CCDC88A: variants seen among roughly 807,000 people sequenced by gnomAD.
The protein encoded by CCDC88A is coiled-coil and HOOK domain protein 88A.
Under a neutral mutation model 234.3 loss-of-function variants are expected in CCDC88A, and 54 were observed. The ratio of observed to expected loss-of-function variants is 0.23; its 90% CI spans 0.19 to 0.29. CCDC88A has a LOEUF of 0.29. CCDC88A is among the 10% of genes least tolerant of loss of function. The pLI is 1.00. For synonymous variants in CCDC88A, 753 were observed against 737.8 expected, an observed-to-expected ratio of 1.02 and a Z score of -0.33; for missense variants, 1,832 against 2,123.4, an observed-to-expected ratio of 0.86 and a Z score of 2.70.
Position 55,366,459 on chromosome 2 carries a change from G to A in CCDC88A, c.403-2426C>T, listed in dbSNP as rs532577839. On this transcript the variant is annotated intron_variant, in intron 5 of 32. Coordinates refer to ENST00000436346, the MANE Select transcript of CCDC88A (RefSeq NM_001365480.1). ...GAAGAATTGCTTGAACCCAGGAGGC[G>A]GAGGTTGTAGTGAGCCAAGATTGCG... Among the ~76,000 whole-genome samples the A allele has an allele frequency of 1.2e-4, 18 of 151,744 alleles. No individual in the cohort carries two copies. The Middle Eastern group carries it at 0.014, about 115-fold the overall frequency.
In CCDC88A at chr2:55,296,509, T is replaced by G. The variant is rs1360010268; in HGVS notation, c.4840A>C (p.Asn1614His). 6.2e-7 allele frequency: 1 copy of G among 1,614,024 alleles called. No individual in the cohort carries two copies. Among genetic ancestry groups the G allele is most frequent in the South Asian group, 1.1e-5 (1 of 91,010 alleles). ...LHEVKAGAVN[N>H]QSRPQSHSSG... ...CTGTGGCTTTGTGGCCTGCTTTGGT[T>G]ATTAACTGCACCTGCTTTTGGAGTA... is the stretch of plus-strand genomic sequence containing the variant. Residue 1614 changes from asparagine to histidine, a missense_variant, in exon 30 of 33, where the codon AAC becomes CAC. Coordinates refer to ENST00000436346, the MANE Select transcript of CCDC88A (RefSeq NM_001365480.1).
intron 29 of CCDC88A, among the ~76,000 whole-genome samples, chr2:55,297,346 AT>A (rs2104556477): frequency 9.5e-6 from 1 of 105,816 alleles, no homozygotes; most frequent in Admixed American, 1.4e-4. Flanking sequence ...AAATTTATAT[AT>A]TATATATAAA....
intron 31 of CCDC88A, chr2:55,294,133 C>G (rs1679756953): frequency 2.0e-6 from 1 of 490,932 alleles, no homozygotes. Flanking sequence ...AACTTGCTAC[C>G]CTTTTTGATT....
chr2:55,298,286 CA>C (rs756804750), intron 29 of CCDC88A, among the ~76,000 whole-genome samples: 693 of 47,096 alleles, frequency 0.015, 6 homozygotes, highest in Non-Finnish European at 0.046. Context: ...ATTTTCAAAT[CA>C]GAAAAAAAAA....
rs1273588959 is a variant in CCDC88A, at chr2:55,328,430, T to C, written c.2861A>G (p.Tyr954Cys). The C allele has an allele frequency of 1.3e-6, 2 of 1,560,006 alleles. No homozygotes were observed. Among genetic ancestry groups the C allele is most frequent in the Non-Finnish European group, 1.7e-6 (2 of 1,150,526 alleles). Residue 954 changes from tyrosine (Y) to cysteine (C), a missense_variant, in exon 17 of 33, where the codon TAT becomes TGT. By Grantham distance (194) the Tyr-to-Cys change is radical. Transcript: ENST00000436346. The surrounding 1 kb of genome is among the most constrained non-coding windows in gnomAD (Gnocchi z 4.3). Reference sequence around the variant, plus strand: ...TTCTAATTTTGATTCCAAAAGTTTATACCTACTATCCAAGTACAAAGTAAT... The same window carrying C: ...TTCTAATTTTGATTCCAAAAGTTTACACCTACTATCCAAGTACAAAGTAAT... ...HDEQSTDDSRYKLLESKLEST... is the reference protein window; with the variant it reads ...HDEQSTDDSRCKLLESKLEST...
At chr2:55,365,055 TA>T (rs1289006133) in intron 5 of CCDC88A, among the ~76,000 whole-genome samples, 1 of 152,208 alleles carries the variant, frequency 6.6e-6, no homozygotes, top group Non-Finnish European at 1.5e-5. Flanking sequence ...TGTAATGCTA[TA>T]TTTTCTACTA....
chr2:55,311,873 T>C (rs959274588), intron 23 of CCDC88A, among the ~76,000 whole-genome samples: 1 of 152,182 alleles, frequency 6.6e-6, no homozygotes, highest in Non-Finnish European at 1.5e-5. Flanking sequence ...TGGTATGGCA[T>C]AGAACAACCT....
intron 2 of CCDC88A, among the ~76,000 whole-genome samples, chr2:55,413,399 G>C (rs11895757): frequency 1.3e-5 from 2 of 152,100 alleles, no homozygotes; most frequent in Admixed American, 1.3e-4. Context: ...TTCCCCATCA[G>C]GAAGGGAAAC....
At chr2:55,397,699 G>C (rs557710489) in intron 2 of CCDC88A, among the ~76,000 whole-genome samples, 1 of 152,164 alleles carries the variant, frequency 6.6e-6, no homozygotes, top group South Asian at 2.1e-4. Context: ...TTCAAAAAAA[G>C]TGTTAATGCT....
chr2:55,304,669 G>C (rs1428282973), intron 25 of CCDC88A, among the ~76,000 whole-genome samples: 3 of 152,022 alleles, frequency 2.0e-5, no homozygotes, highest in African/African-American at 7.2e-5. Flanking sequence ...TTGATTTTGT[G>C]AATAAAAGTT....
chr2:55,341,136 CTTTCTTTTTTTTTTTTT>C (rs1668427591), intron 12 of CCDC88A, among the ~76,000 whole-genome samples: 1 of 107,948 alleles, frequency 9.3e-6, no homozygotes, highest in Non-Finnish European at 1.8e-5. Flanking sequence ...GACAGAATTT[CTTTCTTTTTTTTTTTTT>C]TTTTTTTTTT....
intron 10 of CCDC88A, 71 bp from the exon 11 acceptor site, chr2:55,344,585 T>G (rs1235346951): frequency 6.9e-6 from 6 of 866,020 alleles, no homozygotes; most frequent in Non-Finnish European, 1.0e-5. Flanking sequence ...CAGATTATCA[T>G]AAAACATTAA....
rs1685502623 is a variant in CCDC88A, at chr2:55,336,747, A to G, written c.1590T>C (p.Asp530=). The G allele has an allele frequency of 6.3e-7, 1 of 1,597,178 alleles. No homozygotes were observed. The highest frequency in any genetic ancestry group is 8.5e-7 in the Non-Finnish European group (1 of 1,169,878). The part of the protein sequence containing the change: ...SLQNCQNLSK[D]LMKEKAQLEK... ...CAAGCTGAGCTTTCTCCTTCATTAG[A>G]TCCTTGCTTAAATTCTGACAATTCT... is the stretch of plus-strand genomic sequence containing the variant. The change falls in exon 14 of 33, where the codon GAT becomes GAC. Residue 530 remains aspartate, a synonymous_variant. Transcript: ENST00000436346.
At chr2:55,399,506 G>T (rs892327611) in intron 2 of CCDC88A, among the ~76,000 whole-genome samples, 2 of 139,078 alleles carry the variant, frequency 1.4e-5, no homozygotes, top group Non-Finnish European at 3.0e-5. Flanking sequence ...CAGCCTGGGC[G>T]ACAGAATGAG....
intron 3 of CCDC88A, among the ~76,000 whole-genome samples, chr2:55,379,054 A>G (rs1674163176): frequency 6.6e-6 from 1 of 152,084 alleles, no homozygotes; most frequent in South Asian, 2.1e-4. Flanking sequence ...CCTGGATTCT[A>G]GCTATATTTT....
At chr2:55,341,146 T>C (rs568233108) in intron 12 of CCDC88A, among the ~76,000 whole-genome samples, 11,979 of 141,176 alleles carry the variant, frequency 0.085, 546 homozygotes, top group East Asian at 0.28. Flanking sequence ...CTTTCTTTTT[T>C]TTTTTTTTTT....
At position 55,418,874 on chromosome 2, in the gene CCDC88A, G is replaced by C; in HGVS notation, c.106C>G (p.Leu36Val). ...GPLAAGNGTN[L>V]DEYVALVDGV... ...TCCACCAAAGCCACATATTCATCAA[G>C]GTTGGTCCCATTTCCTGCGGCCAGA... Residue 36 changes from leucine (L) to valine (V), a missense_variant, in exon 2 of 33, where the codon CTT becomes GTT. This residue lies in a region of CCDC88A where 36 missense variants were observed against 44.0 expected (regional missense o/e 0.82). Transcript: ENST00000436346. 6.2e-7 allele frequency: 1 copy of C among 1,614,132 alleles called. No individual in the cohort carries two copies. Among genetic ancestry groups the C allele is most frequent in the African/African-American group, 1.3e-5 (1 of 75,032 alleles).
intron 12 of CCDC88A, among the ~76,000 whole-genome samples, chr2:55,341,915 C>A (rs750176759): frequency 3.3e-5 from 5 of 152,106 alleles, no homozygotes; most frequent in Non-Finnish European, 5.9e-5. Flanking sequence ...GATTTAATGT[C>A]CTTTAGATAT....
At chr2:55,363,339 A>G (rs1435567134) in intron 6 of CCDC88A, among the ~76,000 whole-genome samples, 1 of 151,982 alleles carries the variant, frequency 6.6e-6, no homozygotes, top group Non-Finnish European at 1.5e-5. Context: ...TTTCTAATCA[A>G]CATGTAAAAT....
Sources: gnomAD v4.1 joint callset for allele counts (sites outside exome capture counted in the v4.1 genomes callset) on GRCh38, gnomAD v4.1.1 for gene constraint, gnomAD v4.1.1 regional missense constraint, Gnocchi (gnomAD v3.1) non-coding constraint, MANE v1.5 for transcripts, NCBI Gene and HGNC (gene_info 2026-07-23, HGNC 2026-07-21) for gene names.